The following ESRRG variants were observed in gnomAD, a reference collection of about 807,000 sequenced individuals.
The protein encoded by ESRRG is estrogen-related receptor gamma.
Under a neutral mutation model 44.0 loss-of-function variants are expected in ESRRG, and 13 were observed. That is an observed-to-expected ratio of 0.30 (90% CI 0.19 to 0.47). ESRRG has a LOEUF of 0.47. ESRRG is among the 20% of genes least tolerant of loss of function. The pLI is 1.00. For synonymous variants in ESRRG, 215 were observed against 214.6 expected, an observed-to-expected ratio of 1.00 and a Z score of -0.02; for missense variants, 395 against 580.6, an observed-to-expected ratio of 0.68 and a Z score of 3.29.
At position 216,876,830 on chromosome 1, in the gene ESRRG, T is replaced by C. The variant is rs1355250516; in HGVS notation, c.-14+62752A>G. Among the ~76,000 whole-genome samples the C allele has an allele frequency of 2.6e-5, 4 of 152,170 alleles. No individual in the cohort carries two copies. The South Asian group carries it at 6.2e-4, about 24-fold the overall frequency. ...ATGTTAAATGCTCAACATGAAACAA[T>C]ATGTACCCTGGTTAAATACTTTACA... On this transcript the variant is annotated intron_variant, in intron 2 of 7. Transcript: ENST00000359162.
chr1:216,956,048 C>T (rs1163027299), intron 1 of ESRRG, among the ~76,000 whole-genome samples: 1 of 151,986 alleles, frequency 6.6e-6, no homozygotes, highest in Non-Finnish European at 1.5e-5. Context: ...GCAGAAGTTT[C>T]TTCAGTTTAA....
chr1:217,126,798 C>G (rs1436406054), intron 1 of ESRRG, among the ~76,000 whole-genome samples: 1 of 152,134 alleles, frequency 6.6e-6, no homozygotes, highest in African/African-American at 2.4e-5. Flanking sequence ...ATCCAATTAT[C>G]TCTCCATTCA....
intron 1 of ESRRG, among the ~76,000 whole-genome samples, chr1:217,027,414 C>G (rs1216783490): frequency 6.6e-6 from 1 of 152,148 alleles, no homozygotes; most frequent in Non-Finnish European, 1.5e-5. Context: ...CCCTTACAAA[C>G]CACCCTTACA....
At chr1:216,763,591 C>T (rs1032348661) in intron 2 of ESRRG, among the ~76,000 whole-genome samples, 2 of 152,076 alleles carry the variant, frequency 1.3e-5, no homozygotes, top group African/African-American at 2.4e-5. Context: ...GGGCTAAAGT[C>T]GATTATTACC....
chr1:216,619,762 A>G (rs1191751252), intron 3 of ESRRG, among the ~76,000 whole-genome samples: 3 of 152,190 alleles, frequency 2.0e-5, no homozygotes, highest in Admixed American at 6.5e-5. Flanking sequence ...TGAAGACTTA[A>G]CAGATGCCTA....
intron 6 of ESRRG, among the ~76,000 whole-genome samples, chr1:216,514,959 T>TACACACACACAC (rs35668576): frequency 9.4e-5 from 14 of 149,266 alleles, no homozygotes; most frequent in South Asian, 2.1e-4. Flanking sequence ...TTTTACTTTA[T>TACACACACACAC]ACACACACAC....
At chr1:216,799,854 G>A (rs2789726) in intron 2 of ESRRG, among the ~76,000 whole-genome samples, 135,110 of 152,120 alleles carry the variant, frequency 0.89, 60,190 homozygotes, top group Middle Eastern at 0.95. Context: ...TGGAATGATA[G>A]ATGCACATGT....
At chr1:216,861,278 AT>A (rs1295784855) in intron 2 of ESRRG, among the ~76,000 whole-genome samples, 3 of 152,066 alleles carry the variant, frequency 2.0e-5, no homozygotes, top group African/African-American at 7.2e-5. Flanking sequence ...TGGTTTAAAT[AT>A]TCTAATTAAA....
intron 1 of ESRRG, among the ~76,000 whole-genome samples, chr1:216,698,220 T>C (rs1156687317): frequency 1.3e-5 from 2 of 152,118 alleles, no homozygotes; most frequent in African/African-American, 4.8e-5. Flanking sequence ...GTTAGATGTA[T>C]AAGATTGCAA....
intron 2 of ESRRG, among the ~76,000 whole-genome samples, chr1:216,847,527 C>A (rs1278374022): frequency 6.6e-6 from 1 of 152,020 alleles, no homozygotes; most frequent in Non-Finnish European, 1.5e-5. Flanking sequence ...TTCTTTTTAA[C>A]TACACCAACA....
At chr1:216,507,289 T>G in intron 6 of ESRRG, 106 bp from the exon 7 acceptor site, 1 of 742,904 alleles carries the variant, frequency 1.3e-6, no homozygotes, top group Non-Finnish European at 2.1e-6. Context: ...TGAACTTCTC[T>G]GAGCTTGAAC....
intron 1 of ESRRG, among the ~76,000 whole-genome samples, chr1:216,709,035 G>A (rs2151948647): frequency 6.6e-6 from 1 of 152,150 alleles, no homozygotes; most frequent in African/African-American, 2.4e-5. Flanking sequence ...TGGACACAGG[G>A]AGGGGAACAA....
At chr1:216,728,835 A>G (rs571850122) in intron 2 of ESRRG, among the ~76,000 whole-genome samples, 1 of 152,148 alleles carries the variant, frequency 6.6e-6, no homozygotes, top group East Asian at 1.9e-4. Context: ...TGGTATCCAT[A>G]TAAACAGGTT....
At chr1:216,560,783 G>T (rs1049221363) in intron 5 of ESRRG, among the ~76,000 whole-genome samples, 51 of 152,256 alleles carry the variant, frequency 3.3e-4, no homozygotes, top group African/African-American at 1.2e-3. Flanking sequence ...AGGCGACAGC[G>T]TTCCATTTTA....
chr1:217,049,014 C>T (rs2151211097), intron 1 of ESRRG, among the ~76,000 whole-genome samples: 1 of 152,278 alleles, frequency 6.6e-6, no homozygotes. Flanking sequence ...CCTTTCCTCT[C>T]CATGACCACC....
chr1:216,708,286 T>C (rs556495379), intron 1 of ESRRG, among the ~76,000 whole-genome samples: 2 of 152,180 alleles, frequency 1.3e-5, no homozygotes, highest in African/African-American at 4.8e-5. Flanking sequence ...GCCTGGAATA[T>C]AAAAGATAAT....
rs2082633984 is a variant in ESRRG at position 216,707,254 on chromosome 1, A to C, written c.56+15990T>G. ...AAAGCATTTTTTTTTCTTTTCATTA[A>C]TCAGTCTAAAAAAATCAAACCATAT... On this transcript the variant is annotated intron_variant, in intron 1 of 6. Coordinates refer to ENST00000408911, the MANE Select transcript of ESRRG (RefSeq NM_001438.4). The C allele has an allele frequency of 3.2e-6, 4 of 1,256,842 alleles. No homozygotes were observed. The Admixed American group carries it at 1.0e-4, about 32-fold the overall frequency. The allele number at this position is 1,256,842 out of a possible 1,614,324, so 77.9% of individuals were successfully genotyped here.
chr1:216,684,163 G>A lies in ESRRG; in HGVS notation c.57-6672C>T, dbSNP rs149032739. Among the ~76,000 whole-genome samples the A allele has an allele frequency of 3.9e-3, 595 of 152,316 alleles. 3 individuals carry two copies. The highest frequency in any genetic ancestry group is 6.0e-3 in the Non-Finnish European group (411 of 68,024). ...CCATTTTACTATGCTGTGCAAGCTG[G>A]AAGTGACTGCTGATTTCCTTAAGTC... On this transcript the variant is annotated intron_variant, in intron 1 of 6. Transcript: ENST00000408911.
rs185923529 is a variant in ESRRG, at chr1:216,965,571, G to A, written c.-105-25898C>T. ...ATCTAGAGCCTATGCCCGTCTTCTAGGAATTCCCTACTCAAGTGGTTCTAG... is the reference window on the plus strand; with the variant it reads ...ATCTAGAGCCTATGCCCGTCTTCTAAGAATTCCCTACTCAAGTGGTTCTAG... On this transcript the variant is annotated intron_variant, in intron 1 of 7. Coordinates refer to the ESRRG transcript ENST00000359162. 2.6e-5 allele frequency among the ~76,000 whole-genome samples: 4 copies of A among 152,232 alleles called. No individual in the cohort carries two copies. The East Asian group carries it at 7.7e-4, about 29-fold the overall frequency.
Sources: allele counts gnomAD v4.1 joint callset (sites outside exome capture counted in the v4.1 genomes callset), GRCh38; gene constraint gnomAD v4.1.1; transcripts MANE v1.5; gene names NCBI Gene and HGNC (gene_info 2026-07-23, HGNC 2026-07-21).